The following DOK6 variants were observed in gnomAD, a reference collection of about 807,000 sequenced individuals.
DOK6 encodes docking protein 6.
A neutral mutation model predicts 44.0 loss-of-function variants in DOK6; 22 were observed. That is an observed-to-expected ratio of 0.50 (90% confidence interval 0.36 to 0.71). The LOEUF is 0.71. Among genes scored for constraint, DOK6 ranks in the 30% least tolerant of loss-of-function variants. The pLI is 0.00. For synonymous variants in DOK6, 166 were observed against 145.5 expected (o/e 1.14, Z -1.01); for missense variants, 340 against 416.4 (o/e 0.82, Z 1.60).
chr18:69,711,333 C>T lies in DOK6; in HGVS notation c.599+12740C>T, dbSNP rs72965565. 6.2e-3 allele frequency among the ~76,000 whole-genome samples: 938 copies of T among 152,238 alleles called. 3 individuals carry two copies. Among genetic ancestry groups the T allele is most frequent in the Middle Eastern group, 0.014 (4 of 294 alleles). On this transcript the variant is annotated intron_variant, in intron 5 of 7. Transcript: ENST00000382713. ...CGATGATAGTGGAATCTTTTAATGA[C>T]GAACGAGGTAACATATTCAAATAAA...
At chr18:69,598,198 A>G (rs1375703235) in intron 2 of DOK6, among the ~76,000 whole-genome samples, 1 of 151,834 alleles carries the variant, frequency 6.6e-6, no homozygotes, top group Non-Finnish European at 1.5e-5. Flanking sequence ...CCTTAGGAAA[A>G]TAGATCCTAA....
At chr18:69,601,469 A>G (rs948156453) in intron 3 of DOK6, among the ~76,000 whole-genome samples, 4 of 152,142 alleles carry the variant, frequency 2.6e-5, no homozygotes, top group Non-Finnish European at 4.4e-5. Context: ...TTTATATACT[A>G]TATGGAAATT....
chr18:69,569,468 G>A (rs188401664), intron 2 of DOK6, among the ~76,000 whole-genome samples: 3 of 152,268 alleles, frequency 2.0e-5, no homozygotes, highest in East Asian at 1.9e-4. Flanking sequence ...GAGGCTACAC[G>A]TGACAATTAC....
intron 5 of DOK6, among the ~76,000 whole-genome samples, chr18:69,732,551 G>T (rs1978446384): frequency 6.6e-6 from 1 of 151,938 alleles, no homozygotes; most frequent in Admixed American, 6.6e-5. Flanking sequence ...GAGTGTTCAG[G>T]GAGACTCAAC....
chr18:69,401,300 G>A lies in DOK6; in HGVS notation c.56G>A (p.Arg19Lys). 6.3e-7 allele frequency: 1 copy of A among 1,576,468 alleles called. No homozygotes were observed. Among genetic ancestry groups the A allele is most frequent in the Non-Finnish European group, 8.6e-7 (1 of 1,161,832 alleles). The change falls in exon 1 of 8, where the codon AGG becomes AAG. Residue 19 changes from arginine (R) to lysine (K), a missense_variant. By Grantham distance (26) the Arg-to-Lys change is conservative. This residue lies in a region of DOK6 where 206 missense variants were observed against 258.6 expected (regional missense o/e 0.80). Coordinates refer to ENST00000382713, the MANE Select transcript of DOK6 (RefSeq NM_152721.6). ...CAGGGCTACGTGAAAATCCGCAGCAGGAAGCTTGGGGTGAGTGGCTCGCTC... is the reference window on the plus strand; with the variant it reads ...CAGGGCTACGTGAAAATCCGCAGCAAGAAGCTTGGGGTGAGTGGCTCGCTC... ...VKQGYVKIRS[R>K]KLGIFRRCWL...
At chr18:69,457,452 AT>A (rs1270913855) in intron 1 of DOK6, among the ~76,000 whole-genome samples, 1 of 151,640 alleles carries the variant, frequency 6.6e-6, no homozygotes, top group African/African-American at 2.4e-5. Flanking sequence ...ATAGGTGTGC[AT>A]TTTTATTTCT....
intron 1 of DOK6, among the ~76,000 whole-genome samples, chr18:69,556,130 C>T (rs1227575096): frequency 2.0e-5 from 3 of 152,190 alleles, no homozygotes; most frequent in African/African-American, 7.2e-5. Context: ...TGTTCTCTCA[C>T]TGCTTAGAGC....
chr18:69,805,099 G>A (rs925928716), intron 7 of DOK6, among the ~76,000 whole-genome samples: 14 of 152,166 alleles, frequency 9.2e-5, no homozygotes, highest in African/African-American at 2.9e-4. Flanking sequence ...GGAGAGATTC[G>A]AAACCCACTC....
chr18:69,760,550 C>T (rs1337765005), intron 7 of DOK6, among the ~76,000 whole-genome samples: 2 of 152,128 alleles, frequency 1.3e-5, no homozygotes, highest in Non-Finnish European at 2.9e-5. Context: ...GAAAGCAAAG[C>T]AGGCGCCCTG....
chr18:69,550,793 T>A (rs573919764), intron 1 of DOK6, among the ~76,000 whole-genome samples: 4,379 of 147,352 alleles, frequency 0.03, 47 homozygotes, highest in Middle Eastern at 0.052. Flanking sequence ...TTTTTTTTTT[T>A]TTTTTATTTT....
At chr18:69,544,164 A>G (rs1419712808) in intron 1 of DOK6, among the ~76,000 whole-genome samples, 1 of 151,086 alleles carries the variant, frequency 6.6e-6, no homozygotes, top group Non-Finnish European at 1.5e-5. Flanking sequence ...AGGCTGAGGC[A>G]GGAGAATCAC....
intron 5 of DOK6, among the ~76,000 whole-genome samples, chr18:69,699,938 C>T (rs1986475035): frequency 6.6e-6 from 1 of 152,008 alleles, no homozygotes; most frequent in Admixed American, 6.6e-5. Flanking sequence ...CTAAGGAGGC[C>T]TCACAGTCAT....
intron 1 of DOK6, among the ~76,000 whole-genome samples, chr18:69,540,357 T>G (rs1224929653): frequency 1.3e-5 from 2 of 152,220 alleles, no homozygotes; most frequent in African/African-American, 4.8e-5. Context: ...TAATATATAT[T>G]TGGTCTCCCC....
rs1272843960 is a variant in DOK6, at chr18:69,401,098, C to A, written c.-147C>A. 1.4e-4 allele frequency: 99 copies of A among 716,552 alleles called. No individual in the cohort carries two copies. In the South Asian group the frequency reaches 4.8e-3, roughly 35 times the overall value. The allele number at this position is 716,552 out of a possible 1,614,324, so 44.4% of individuals were successfully genotyped here. A position where few individuals can be genotyped will look rare whatever the true frequency, so the allele number is the denominator to read the frequency against. On this transcript the variant is annotated 5_prime_UTR_variant, in exon 1 of 8. Coordinates refer to ENST00000382713, the MANE Select transcript of DOK6 (RefSeq NM_152721.6). ...CCCTGCAGGCGACCCCGCGTCCCCA[C>A]CGGCGGGAGCTCGGGGAAGAGCGGG... is the stretch of plus-strand genomic sequence containing the variant.
chr18:69,746,191 G>A (rs1184200016), intron 6 of DOK6, among the ~76,000 whole-genome samples: 3 of 152,184 alleles, frequency 2.0e-5, no homozygotes, highest in East Asian at 1.9e-4. Flanking sequence ...AGTTTCTGCT[G>A]TTATTCTCAA....
At chr18:69,723,104 C>T (rs1978291625) in intron 5 of DOK6, among the ~76,000 whole-genome samples, 1 of 152,054 alleles carries the variant, frequency 6.6e-6, no homozygotes, top group South Asian at 2.1e-4. Flanking sequence ...ATGCCGAAAG[C>T]TGACAATAGG....
At chr18:69,640,457 C>T (rs1242291445) in intron 3 of DOK6, among the ~76,000 whole-genome samples, 1 of 152,158 alleles carries the variant, frequency 6.6e-6, no homozygotes, top group Non-Finnish European at 1.5e-5. Context: ...TTTGCTTAGC[C>T]ATTAGGAATC....
chr18:69,720,397 A>T (rs1281492438), intron 5 of DOK6, among the ~76,000 whole-genome samples: 1 of 152,222 alleles, frequency 6.6e-6, no homozygotes, highest in Non-Finnish European at 1.5e-5. Flanking sequence ...CTATATGCTA[A>T]TTCCATATTT....
At chr18:69,732,288 G>A (rs1019935160) in intron 5 of DOK6, among the ~76,000 whole-genome samples, 28 of 152,150 alleles carry the variant, frequency 1.8e-4, no homozygotes, top group African/African-American at 6.0e-4. Flanking sequence ...CAGGAGCTAT[G>A]TATATAGGGC....
Sources: allele counts gnomAD v4.1 joint callset (sites outside exome capture counted in the v4.1 genomes callset), GRCh38; gene constraint gnomAD v4.1.1; regional missense constraint gnomAD v4.1.1; transcripts MANE v1.5; gene names NCBI Gene and HGNC (gene_info 2026-07-23, HGNC 2026-07-21).